The following FMR1 variants were observed in gnomAD, a reference collection of about 807,000 sequenced individuals.
FMR1 encodes the protein FMRP translational regulator 1.
FMR1 carries 13 observed loss-of-function variants against 50.6 expected under a neutral mutation model. That is an observed-to-expected ratio of 0.26 (90% CI 0.17 to 0.41). FMR1 has a LOEUF of 0.41. Ranked by LOEUF, FMR1 falls within the 10% of genes least tolerant of loss-of-function variation. FMR1 has a pLI of 1.00. For synonymous variants in FMR1, 138 were observed against 164.1 expected (o/e 0.84, Z 1.22); for missense variants, 316 against 491.3 (o/e 0.64, Z 3.37).
At chrX:147,928,282 T>G in intron 3 of FMR1, 40 bp from the exon 4 acceptor site, 2 of 1,096,450 alleles carry the variant, frequency 1.8e-6, no homozygotes, top group Non-Finnish European at 2.5e-6. Flanking sequence ...TTCAAAATTA[T>G]GTTAATCATG....
At chrX:147,929,880 T>C (rs1398971398) in intron 5 of FMR1, 68 bp from the exon 6 acceptor site, 4 of 711,025 alleles carry the variant, frequency 5.6e-6, no homozygotes, top group Non-Finnish European at 8.6e-6. Context: ...TATGTGTAAA[T>C]CTGCCTGCAT....
At chrX:147,942,382 G>C (rs1327536816) in intron 13 of FMR1, among the ~76,000 whole-genome samples, 1 of 112,245 alleles carries the variant, frequency 8.9e-6, no homozygotes, top group Admixed American at 9.4e-5. Flanking sequence ...CAACATACTG[G>C]AAGTGCTTTT....
In FMR1 at chrX:147,932,576, C is replaced by T; in HGVS notation, c.782C>T (p.Thr261Ile). Residue 261 changes from threonine to isoleucine, a missense_variant, in exon 8 of 17, where the codon ACA becomes ATA. By Grantham distance (89) the Thr-to-Ile change is moderately conservative (BLOSUM62 -1). Coordinates refer to ENST00000370475, the MANE Select transcript of FMR1 (RefSeq NM_002024.6). ...ATTGATCTAGATGAAGATACCTGCA[C>T]ATTTCATATTTATGGAGAGGTAAAT... is the stretch of plus-strand genomic sequence containing the variant. ...TAIDLDEDTC[T>I]FHIYGEDQDA... 3.3e-6 allele frequency: 4 copies of T among 1,208,900 alleles called. No individual in the cohort carries two copies. Among genetic ancestry groups the T allele is most frequent in the Non-Finnish European group, 4.5e-6 (4 of 892,980 alleles).
intron 2 of FMR1, among the ~76,000 whole-genome samples, chrX:147,924,497 GTGTC>G (rs2043312021): frequency 1.3e-5 from 1 of 74,362 alleles, no homozygotes; most frequent in Admixed American, 1.8e-4. Flanking sequence ...GTGTGTGTGT[GTGTC>G]TATATATATA....
At chrX:147,923,686 C>G (rs2043274932) in intron 2 of FMR1, among the ~76,000 whole-genome samples, 1 of 111,608 alleles carries the variant, frequency 9.0e-6, no homozygotes, top group African/African-American at 3.3e-5. Flanking sequence ...TCTCCTGTAC[C>G]ATATCTGCAT....
In FMR1 at chrX:147,937,924, C is replaced by T. The variant is rs2043847582; in HGVS notation, c.1126-175C>T. Among the ~76,000 whole-genome samples, 3 of 112,154 alleles carry T rather than the reference C, an allele frequency of 2.7e-5. No individual in the cohort carries two copies. In the Admixed American group the frequency reaches 2.8e-4, roughly 11 times the overall value. On this transcript the variant is annotated intron_variant, in intron 11 of 16. Coordinates refer to ENST00000370475, the MANE Select transcript of FMR1 (RefSeq NM_002024.6). ...GGTATCGTAGCTCAAAATACACCTT[C>T]TGTTAGTTGCATTAGTTACTACTTG...
At chrX:147,936,201 A>G (rs782445300) in intron 9 of FMR1, among the ~76,000 whole-genome samples, 7 of 112,055 alleles carry the variant, frequency 6.2e-5, no homozygotes, top group Non-Finnish European at 1.1e-4. Context: ...TTTTGTGCAA[A>G]AATAAGAGGT....
intron 1 of FMR1, chrX:147,913,504 A>G (rs782116443): frequency 1.8e-5 from 2 of 112,517 alleles, no homozygotes; most frequent in South Asian, 7.3e-4. Context: ...AATGTATTGT[A>G]GAATGGCTTG....
In FMR1 at chrX:147,938,162, G is replaced by C. The variant is rs782422077; in HGVS notation, c.1188+1G>C. 2.5e-6 allele frequency: 3 copies of C among 1,184,967 alleles called. No individual in the cohort carries two copies. In the South Asian group the frequency reaches 5.3e-5, roughly 21 times the overall value. ...GAAACCTGAACTCAAGGCTTGGCAG[G>C]TAGGAAAACATTCCTTGAGAAATAC... is the stretch of plus-strand genomic sequence containing the variant. On this transcript the variant is annotated splice_donor_variant, in intron 12 of 16. Coordinates refer to ENST00000370475, the MANE Select transcript of FMR1 (RefSeq NM_002024.6). LOFTEE classifies it high-confidence loss of function.
At chrX:147,928,450 G>A in intron 4 of FMR1, 57 bp downstream of exon 4, 1 of 940,773 alleles carries the variant, frequency 1.1e-6, no homozygotes, top group Middle Eastern at 2.9e-4. Context: ...TTTAAACCCA[G>A]GTTGTACATT....
chrX:147,951,008 GT>G lies in FMR1; in HGVS notation c.*2169del, dbSNP rs1342071370. 6.0e-5 allele frequency: 15 copies of G among 248,494 alleles called. No homozygotes were observed. In the Admixed American group the frequency reaches 7.0e-4, roughly 12 times the overall value. 20.5% of individuals were successfully genotyped at this position (248,494 alleles called of 1,213,427 possible). On this transcript the variant is annotated 3_prime_UTR_variant, in exon 17 of 17. Coordinates refer to ENST00000370475, the MANE Select transcript of FMR1 (RefSeq NM_002024.6). ...CAATATTTGTGTGCTAAACGTGTAT[GT>G]TTTTCAGTTCAAAGTCATGATGTTT...
Position 147,930,058 on chromosome X carries a change from T to C in FMR1, c.513+17T>C, listed in dbSNP as rs1292610866. 6.9e-6 allele frequency: 8 copies of C among 1,166,987 alleles called. No individual in the cohort carries two copies. The highest frequency in any genetic ancestry group is 9.4e-6 in the Non-Finnish European group (8 of 854,841). ...GTCATTTTGGTGAGCATTTTTGAGTTGTTTATTTTTAGTTTAATTCATCTG... is the reference window on the plus strand; with the variant it reads ...GTCATTTTGGTGAGCATTTTTGAGTCGTTTATTTTTAGTTTAATTCATCTG... On this transcript the variant is annotated intron_variant, in intron 6 of 16. Transcript: ENST00000370475.
chrX:147,915,823 A>G (rs1420115794), intron 1 of FMR1, among the ~76,000 whole-genome samples: 1 of 111,665 alleles, frequency 9.0e-6, no homozygotes, highest in Non-Finnish European at 1.9e-5. Context: ...AGGTTAGGTA[A>G]GTGACTTACT....
intron 1 of FMR1, among the ~76,000 whole-genome samples, chrX:147,921,479 A>G (rs1001555020): frequency 1.8e-5 from 2 of 109,432 alleles, no homozygotes; most frequent in Admixed American, 2.1e-4. Context: ...ATATATATAG[A>G]TAGATAGATA....
intron 9 of FMR1, chrX:147,933,331 T>A (rs2043673379): frequency 3.9e-6 from 2 of 512,763 alleles, no homozygotes; most frequent in Non-Finnish European, 5.8e-6. Flanking sequence ...ACTTTATGAT[T>A]TGAAATAGAT....
chrX:147,921,124 T>C (rs782639729), intron 1 of FMR1, among the ~76,000 whole-genome samples: 15 of 112,003 alleles, frequency 1.3e-4, no homozygotes, highest in Non-Finnish European at 2.3e-4. Context: ...AATTAAGATA[T>C]AAAGCCTTTG....
At chrX:147,920,619 G>A (rs2013656719) in intron 1 of FMR1, among the ~76,000 whole-genome samples, 1 of 111,746 alleles carries the variant, frequency 8.9e-6, no homozygotes, top group South Asian at 3.7e-4. Context: ...CAGTATATCC[G>A]TAAATGAAGT....
chrX:147,948,594 T>A, intron 16 of FMR1, 89 bp from the exon 17 acceptor site: 2 of 1,195,402 alleles, frequency 1.7e-6, no homozygotes, highest in Non-Finnish European at 2.3e-6. Flanking sequence ...CATGTGGAAT[T>A]TACACTTCAG....
intron 14 of FMR1, chrX:147,944,054 C>A: frequency 2.3e-6 from 1 of 439,452 alleles, no homozygotes; most frequent in Non-Finnish European, 2.8e-6. Context: ...TTAGCTCCAA[C>A]AGAGGAAGAG....
Sources: gnomAD v4.1 joint callset for allele counts (sites outside exome capture counted in the v4.1 genomes callset) on GRCh38, gnomAD v4.1.1 for gene constraint, MANE v1.5 for transcripts, NCBI Gene and HGNC (gene_info 2026-07-23, HGNC 2026-07-21) for gene names.